Variants in ANTXR1 observed in about 807,000 individuals in gnomAD.
ANTXR1 encodes the protein ANTXR cell adhesion molecule 1.
Under a neutral mutation model 78.1 loss-of-function variants are expected in ANTXR1, and 19 were observed. That is an observed-to-expected ratio of 0.24 (90% CI 0.17 to 0.36). ANTXR1 has a LOEUF of 0.36. Ranked by LOEUF, ANTXR1 falls within the 10% of genes least tolerant of loss-of-function variation. The pLI, the probability that ANTXR1 is intolerant of heterozygous loss-of-function variation, is 1.00. For synonymous variants in ANTXR1, 273 were observed against 260.5 expected (o/e 1.05, Z -0.46); for missense variants, 518 against 718.6 (o/e 0.72, Z 3.19).
intron 10 of ANTXR1, among the ~76,000 whole-genome samples, chr2:69,114,648 A>C (rs1672085144): frequency 6.6e-6 from 1 of 152,126 alleles, no homozygotes. Flanking sequence ...CAGCACCCCC[A>C]TCCATGTCAT....
intron 11 of ANTXR1, 136 bp from the exon 12 acceptor site, chr2:69,124,429 C>T (rs1037361688): frequency 1.0e-5 from 8 of 790,606 alleles, no homozygotes; most frequent in African/African-American, 6.8e-5. Flanking sequence ...ACTCAGACCC[C>T]TCCTCCCCTG....
intron 10 of ANTXR1, 48 bp from the exon 11 acceptor site, chr2:69,122,969 T>C (rs1271499430): frequency 6.3e-7 from 1 of 1,590,022 alleles, no homozygotes; most frequent in Non-Finnish European, 8.6e-7. Context: ...GAATTTGAAA[T>C]TATAAACTCA....
At chr2:69,067,106 T>G (rs188566896) in intron 3 of ANTXR1, among the ~76,000 whole-genome samples, 3 of 152,180 alleles carry the variant, frequency 2.0e-5, no homozygotes, top group Admixed American at 2.0e-4. Context: ...ATCCATTTTG[T>G]TTGCTTAGAT....
At chr2:69,016,147 T>C (rs1274950677) in intron 1 of ANTXR1, among the ~76,000 whole-genome samples, 1 of 152,190 alleles carries the variant, frequency 6.6e-6, no homozygotes, top group African/African-American at 2.4e-5. Flanking sequence ...GGTAGAAAAG[T>C]TCTATATCTG....
intron 12 of ANTXR1, among the ~76,000 whole-genome samples, chr2:69,126,183 C>T (rs922990134): frequency 6.6e-6 from 1 of 152,180 alleles, no homozygotes; most frequent in Non-Finnish European, 1.5e-5. Flanking sequence ...CAGTCTCCCT[C>T]CTAATGCCCC....
chr2:69,201,845 G>A (rs1674779859), intron 17 of ANTXR1, among the ~76,000 whole-genome samples: 1 of 152,128 alleles, frequency 6.6e-6, no homozygotes, highest in Non-Finnish European at 1.5e-5. Context: ...AGTGCCTGTG[G>A]GACATCCAAA....
intron 3 of ANTXR1, among the ~76,000 whole-genome samples, chr2:69,047,646 G>C (rs1039712468): frequency 5.3e-5 from 8 of 151,922 alleles, no homozygotes; most frequent in Non-Finnish European, 1.2e-4. Context: ...AGTTGGGGGG[G>C]GAAATTCTGG....
At chr2:69,079,208 G>A (rs1300565376) in intron 8 of ANTXR1, among the ~76,000 whole-genome samples, 4 of 152,152 alleles carry the variant, frequency 2.6e-5, no homozygotes, top group African/African-American at 4.8e-5. Flanking sequence ...CACAGGTGAA[G>A]GACTCCTACT....
At chr2:69,106,152 T>G (rs969299774) in intron 10 of ANTXR1, among the ~76,000 whole-genome samples, 1 of 152,250 alleles carries the variant, frequency 6.6e-6, no homozygotes, top group African/African-American at 2.4e-5. Flanking sequence ...GCCAATATAT[T>G]AATGCCAAAA....
At chr2:69,226,052 C>A (rs562083598) in intron 17 of ANTXR1, among the ~76,000 whole-genome samples, 5 of 152,338 alleles carry the variant, frequency 3.3e-5, no homozygotes, top group Admixed American at 2.6e-4. Flanking sequence ...CACTGCCTCT[C>A]CATTGCATTC....
chr2:69,159,722 T>C (rs1450500082), intron 13 of ANTXR1, among the ~76,000 whole-genome samples: 1 of 152,154 alleles, frequency 6.6e-6, no homozygotes, highest in Non-Finnish European at 1.5e-5. Flanking sequence ...ACAAAATTGT[T>C]CTCCCTGTCT....
chr2:69,238,327 T>C (rs1465525225), intron 17 of ANTXR1, among the ~76,000 whole-genome samples: 2 of 152,222 alleles, frequency 1.3e-5, no homozygotes, highest in Non-Finnish European at 2.9e-5. Flanking sequence ...ATATTCTTCA[T>C]GAGGACAGGG....
At chr2:69,054,090 T>C (rs1379682969) in intron 3 of ANTXR1, among the ~76,000 whole-genome samples, 1 of 152,178 alleles carries the variant, frequency 6.6e-6, no homozygotes, top group Non-Finnish European at 1.5e-5. Flanking sequence ...TAGTATACTT[T>C]CCTCATCTAT....
At chr2:69,153,060 G>A (rs780429647) in intron 13 of ANTXR1, among the ~76,000 whole-genome samples, 11 of 152,172 alleles carry the variant, frequency 7.2e-5, no homozygotes, top group Non-Finnish European at 1.5e-4. Flanking sequence ...TCTATTTCTA[G>A]CCTGTGCCCT....
At chr2:69,068,044 TG>T (rs2104195512) in intron 3 of ANTXR1, among the ~76,000 whole-genome samples, 1 of 152,332 alleles carries the variant, frequency 6.6e-6, no homozygotes, top group Non-Finnish European at 1.5e-5. Flanking sequence ...GATCAGGTCC[TG>T]CTTGGCCTCC....
At chr2:69,185,256 A>G (rs1464111871) in intron 16 of ANTXR1, among the ~76,000 whole-genome samples, 1 of 152,192 alleles carries the variant, frequency 6.6e-6, no homozygotes, top group East Asian at 1.9e-4. Context: ...AGAAGTTGTC[A>G]CCAGCTGGGC....
At chr2:69,179,728 A>G (rs923430939) in intron 14 of ANTXR1, among the ~76,000 whole-genome samples, 6 of 152,188 alleles carry the variant, frequency 3.9e-5, no homozygotes, top group Non-Finnish European at 7.3e-5. Flanking sequence ...GACCTAAGTC[A>G]TTTAACGTCT....
chr2:69,118,708 G>T (rs1382180404), intron 10 of ANTXR1, among the ~76,000 whole-genome samples: 1 of 152,188 alleles, frequency 6.6e-6, no homozygotes, highest in Non-Finnish European at 1.5e-5. Flanking sequence ...CTGCAGCGAG[G>T]CTGGCACGGC....
intron 10 of ANTXR1, among the ~76,000 whole-genome samples, chr2:69,104,506 C>T (rs947203337): frequency 6.6e-6 from 1 of 152,204 alleles, no homozygotes; most frequent in Non-Finnish European, 1.5e-5. Flanking sequence ...CCTGAGTAGT[C>T]ACAGTGTGAA....
Sources: allele counts gnomAD v4.1 joint callset (sites outside exome capture counted in the v4.1 genomes callset), GRCh38; gene constraint gnomAD v4.1.1; transcripts MANE v1.5; gene names NCBI Gene and HGNC (gene_info 2026-07-23, HGNC 2026-07-21).